The following ADCK1 variants were observed in gnomAD, a reference collection of about 807,000 sequenced individuals.
ADCK1 encodes the protein aarF domain-containing protein kinase 1.
Under a neutral mutation model 52.3 loss-of-function variants are expected in ADCK1, and 41 were observed. The observed-to-expected ratio is 0.78, with a 90% CI of 0.61 to 1.02. ADCK1 has a LOEUF of 1.02. Ranked by LOEUF, ADCK1 falls within the 50% of genes least tolerant of loss-of-function variation. The pLI is 0.00. For missense variants in ADCK1, 658 were observed against 679.5 expected, an observed-to-expected ratio of 0.97 and a Z score of 0.35; for synonymous variants, 250 against 274.6, an observed-to-expected ratio of 0.91 and a Z score of 0.89.
intron 5 of ADCK1, among the ~76,000 whole-genome samples, chr14:77,890,163 C>T (rs767257390): frequency 1.3e-5 from 2 of 152,238 alleles, no homozygotes; most frequent in Non-Finnish European, 2.9e-5. Flanking sequence ...CTCATGAATT[C>T]GCAGTTTGGC....
At chr14:77,872,824 G>A (rs936166676) in intron 4 of ADCK1, among the ~76,000 whole-genome samples, 29 of 152,022 alleles carry the variant, frequency 1.9e-4, no homozygotes, top group Middle Eastern at 3.4e-3. Flanking sequence ...ACAGGCATCC[G>A]CCACCACGCC....
intron 3 of ADCK1, among the ~76,000 whole-genome samples, chr14:77,846,491 G>C (rs938473126): frequency 6.6e-6 from 1 of 152,170 alleles, no homozygotes; most frequent in Non-Finnish European, 1.5e-5. Context: ...ACCCCTGCAT[G>C]ATTCAAGACA....
At chr14:77,858,940 G>A in intron 3 of ADCK1, 136 bp from the exon 4 acceptor site, 1 of 747,966 alleles carries the variant, frequency 1.3e-6, no homozygotes. Context: ...GTGTGTGTGT[G>A]CGTGTGTGTG....
At chr14:77,919,283 C>T (rs2083995320) in intron 7 of ADCK1, among the ~76,000 whole-genome samples, 1 of 152,210 alleles carries the variant, frequency 6.6e-6, no homozygotes, top group Admixed American at 6.5e-5. Context: ...CATTCTTATG[C>T]CTTTGCCTTT....
At chr14:77,848,056 C>T (rs1470165271) in intron 3 of ADCK1, among the ~76,000 whole-genome samples, 2 of 152,134 alleles carry the variant, frequency 1.3e-5, no homozygotes, top group Non-Finnish European at 2.9e-5. Flanking sequence ...GGATGTTTTT[C>T]TTCTTCTTTT....
In ADCK1 at chr14:77,862,400, T is replaced by C. The variant is rs182657101; in HGVS notation, c.423+3121T>C. ...TTGGCCAGCAGATGGCGCCTGAGCT[T>C]GCAAGTCAGGGATGGTTGTAAAGAC... On this transcript the variant is annotated intron_variant, in intron 4 of 10. Coordinates refer to ENST00000238561, the MANE Select transcript of ADCK1 (RefSeq NM_020421.4). 2.5e-3 allele frequency among the ~76,000 whole-genome samples: 375 copies of C among 152,266 alleles called. 4 individuals are homozygous for C. Among genetic ancestry groups the C allele is most frequent in the Non-Finnish European group, 3.0e-3 (203 of 68,018 alleles).
At position 77,923,842 on chromosome 14, in the gene ADCK1, C is replaced by T. The variant is rs1451866822; in HGVS notation, c.859-615C>T. 1 of 152,530 alleles carries T rather than the reference C, an allele frequency of 6.6e-6. No individual in the cohort carries two copies. Among genetic ancestry groups the T allele is most frequent in the East Asian group, 1.9e-4 (1 of 5,186 alleles). 9.4% of individuals were successfully genotyped at this position (152,530 alleles called of 1,614,324 possible). Reference sequence around the variant, plus strand: ...AGTGTCATTTCTTCTGTGCAGACATCATAAATCAGATTAGCATTGGGCTCT... The same window carrying T: ...AGTGTCATTTCTTCTGTGCAGACATTATAAATCAGATTAGCATTGGGCTCT... On this transcript the variant is annotated intron_variant, in intron 7 of 10. Transcript: ENST00000238561. The surrounding 1 kb of genome is among the most constrained non-coding windows in gnomAD (Gnocchi z 4.3).
intron 4 of ADCK1, among the ~76,000 whole-genome samples, chr14:77,882,959 C>A (rs957704979): frequency 1.8e-4 from 17 of 96,838 alleles, no homozygotes; most frequent in African/African-American, 6.6e-4. Flanking sequence ...TTACACCACC[C>A]CCCCCCCCGT....
chr14:77,883,485 G>A (rs1431428992), intron 4 of ADCK1, among the ~76,000 whole-genome samples: 6 of 152,148 alleles, frequency 3.9e-5, no homozygotes, highest in African/African-American at 1.4e-4. Context: ...TGAACACTTT[G>A]AATCAAGGTT....
Position 77,915,461 on chromosome 14 carries a change from G to A in ADCK1, c.858+7542G>A, listed in dbSNP as rs184484223. Reference sequence around the variant, plus strand: ...TGCTGCTATAAAGACACATGCACACGTATGTTTATTGTGGCACTATTCACA... The same window carrying A: ...TGCTGCTATAAAGACACATGCACACATATGTTTATTGTGGCACTATTCACA... On this transcript the variant is annotated intron_variant, in intron 7 of 10. Transcript: ENST00000238561. 4.9e-3 allele frequency among the ~76,000 whole-genome samples: 742 copies of A among 151,740 alleles called. 10 individuals are homozygous for A. The South Asian group carries it at 0.058, about 12-fold the overall frequency.
At position 77,877,998 on chromosome 14, in the gene ADCK1, C is replaced by T. The variant is rs2082936865; in HGVS notation, c.424-9093C>T. Among the ~76,000 whole-genome samples, 4 of 152,356 alleles carry T rather than the reference C, an allele frequency of 2.6e-5. No homozygotes were observed. The South Asian group carries it at 8.3e-4, about 32-fold the overall frequency. On this transcript the variant is annotated intron_variant, in intron 4 of 10. Coordinates refer to ENST00000238561, the MANE Select transcript of ADCK1 (RefSeq NM_020421.4). Reference sequence around the variant, plus strand: ...TCTTCTCAGAGAAGCTCTCTCTGCTCTCCCTGAGCAGGTTCAGCCCCTGAG... The same window carrying T: ...TCTTCTCAGAGAAGCTCTCTCTGCTTTCCCTGAGCAGGTTCAGCCCCTGAG...
chr14:77,920,098 T>A (rs2084015470), intron 7 of ADCK1, among the ~76,000 whole-genome samples: 1 of 152,246 alleles, frequency 6.6e-6, no homozygotes, highest in African/African-American at 2.4e-5. Context: ...AGAAGCTTTT[T>A]AGTTTAATTA....
chr14:77,899,587 C>T (rs772241457), intron 6 of ADCK1, among the ~76,000 whole-genome samples: 1 of 152,180 alleles, frequency 6.6e-6, no homozygotes, highest in Non-Finnish European at 1.5e-5. Context: ...ATGATGATGG[C>T]GATGCTGATA....
At chr14:77,806,691 C>T (rs1213711903) in intron 1 of ADCK1, among the ~76,000 whole-genome samples, 1 of 152,120 alleles carries the variant, frequency 6.6e-6, no homozygotes, top group Non-Finnish European at 1.5e-5. Context: ...GCTCATCTGA[C>T]CTGTGTCCAG....
chr14:77,805,587 A>G (rs1220874201), intron 1 of ADCK1, among the ~76,000 whole-genome samples: 1 of 152,134 alleles, frequency 6.6e-6, no homozygotes, highest in Non-Finnish European at 1.5e-5. Flanking sequence ...ATGGCTCTTT[A>G]TAGAAAAATA....
chr14:77,844,904 T>A (rs767008069), intron 3 of ADCK1, among the ~76,000 whole-genome samples: 26 of 152,296 alleles, frequency 1.7e-4, no homozygotes, highest in Non-Finnish European at 3.2e-4. Context: ...AATAGGCAAG[T>A]CGTCACCTGG....
intron 7 of ADCK1, among the ~76,000 whole-genome samples, chr14:77,919,689 A>G (rs2084004925): frequency 6.6e-6 from 1 of 152,218 alleles, no homozygotes; most frequent in Non-Finnish European, 1.5e-5. Flanking sequence ...GTACTAGTTT[A>G]CATTCCCACC....
chr14:77,822,297 G>A, intron 2 of ADCK1, 138 bp from the exon 3 acceptor site: 4 of 673,024 alleles, frequency 5.9e-6, no homozygotes, highest in Non-Finnish European at 1.1e-5. Context: ...AGATCCAGGG[G>A]CCAGGCATCT....
chr14:77,872,848 G>A (rs888606037), intron 4 of ADCK1, among the ~76,000 whole-genome samples: 1 of 152,096 alleles, frequency 6.6e-6, no homozygotes, highest in African/African-American at 2.4e-5. Context: ...CTAATTCTTT[G>A]TATTTTTAGT....
Sources: allele counts gnomAD v4.1 joint callset (sites outside exome capture counted in the v4.1 genomes callset), GRCh38; gene constraint gnomAD v4.1.1; non-coding constraint Gnocchi (gnomAD v3.1); transcripts MANE v1.5; gene names NCBI Gene and HGNC (gene_info 2026-07-23, HGNC 2026-07-21).